The following DLG2 variants were observed in gnomAD, a reference collection of about 807,000 sequenced individuals.
The protein encoded by DLG2 is discs large MAGUK scaffold protein 2, also known as disks large homolog 2.
DLG2 carries 45 observed loss-of-function variants against 132.5 expected under a neutral mutation model. That is an observed-to-expected ratio of 0.34 (90% CI 0.27 to 0.44). DLG2 has a LOEUF of 0.44. Among genes scored for constraint, DLG2 ranks in the 20% least tolerant of loss-of-function variants. DLG2 has a pLI of 1.00. For synonymous variants in DLG2, 424 were observed against 419.6 expected, an observed-to-expected ratio of 1.01 and a Z score of -0.13; for missense variants, 1,045 against 1,196.9, an observed-to-expected ratio of 0.87 and a Z score of 1.87.
At chr11:84,295,451 G>T (rs1443951040) in intron 7 of DLG2, among the ~76,000 whole-genome samples, 1 of 152,098 alleles carries the variant, frequency 6.6e-6, no homozygotes, top group Admixed American at 6.6e-5. Flanking sequence ...CTTATGCATG[G>T]CTATACTAAT....
intron 4 of DLG2, among the ~76,000 whole-genome samples, chr11:85,206,480 G>C (rs1444665721): frequency 6.6e-6 from 1 of 152,082 alleles, no homozygotes; most frequent in Non-Finnish European, 1.5e-5. Flanking sequence ...GCAAAAAATT[G>C]AGTTATTGAT....
At chr11:84,163,309 G>T in intron 9 of DLG2, 152 bp downstream of exon 9, 1 of 610,542 alleles carries the variant, frequency 1.6e-6, no homozygotes, top group Non-Finnish European at 2.7e-6. Flanking sequence ...TTTCTACTGT[G>T]AGCATTTCAT....
intron 6 of DLG2, among the ~76,000 whole-genome samples, chr11:85,024,566 C>T (rs2060355231): frequency 1.3e-5 from 2 of 152,156 alleles, no homozygotes; most frequent in African/African-American, 2.4e-5. Context: ...ATAATTGTCT[C>T]GACTCTTCAT....
chr11:84,643,849 T>C (rs931552739), intron 6 of DLG2, among the ~76,000 whole-genome samples: 10 of 152,184 alleles, frequency 6.6e-5, no homozygotes, highest in African/African-American at 2.4e-4. Flanking sequence ...AAAATAACCA[T>C]AGAAGCAAGC....
At chr11:83,558,424 A>C (rs752399486) in intron 19 of DLG2, among the ~76,000 whole-genome samples, 14 of 152,154 alleles carry the variant, frequency 9.2e-5, no homozygotes, top group Non-Finnish European at 1.9e-4. Flanking sequence ...GCCTTAGTCT[A>C]CCTGTTATCT....
intron 6 of DLG2, among the ~76,000 whole-genome samples, chr11:84,787,185 C>G (rs1158596023): frequency 6.6e-6 from 1 of 152,156 alleles, no homozygotes; most frequent in Non-Finnish European, 1.5e-5. Flanking sequence ...TAGATTGACT[C>G]TTGGCAAGTG....
chr11:84,588,522 C>A (rs1487903261), intron 6 of DLG2, among the ~76,000 whole-genome samples: 2 of 152,124 alleles, frequency 1.3e-5, no homozygotes, highest in African/African-American at 2.4e-5. Flanking sequence ...CACACTCAAC[C>A]TAAGTTTACG....
chr11:85,465,596 G>C (rs946150682), intron 3 of DLG2, among the ~76,000 whole-genome samples: 1 of 152,068 alleles, frequency 6.6e-6, no homozygotes, highest in Non-Finnish European at 1.5e-5. Context: ...GAGAGTGATG[G>C]TTTCCAGCTT....
intron 3 of DLG2, among the ~76,000 whole-genome samples, chr11:85,515,716 T>C (rs976974031): frequency 3.9e-5 from 6 of 152,002 alleles, no homozygotes; most frequent in Non-Finnish European, 1.5e-5. Flanking sequence ...GTTTTTGTGT[T>C]ATGATAACAT....
intron 19 of DLG2, among the ~76,000 whole-genome samples, chr11:83,575,329 G>GAC (rs2096857417): frequency 6.6e-6 from 1 of 152,126 alleles, no homozygotes; most frequent in Non-Finnish European, 1.5e-5. Context: ...ACAGAGTCTC[G>GAC]AGGCCATCAA....
At chr11:84,692,678 C>T (rs1014492061) in intron 6 of DLG2, among the ~76,000 whole-genome samples, 12 of 151,640 alleles carry the variant, frequency 7.9e-5, no homozygotes, top group Non-Finnish European at 1.6e-4. Context: ...TAAGAACCAT[C>T]GAAGTGTAAA....
At position 85,035,461 on chromosome 11, in the gene DLG2, G is replaced by A. The variant is rs576714147; in HGVS notation, c.357+76200C>T. 1.4e-4 allele frequency among the ~76,000 whole-genome samples: 22 copies of A among 152,180 alleles called. No individual in the cohort carries two copies. In the East Asian group the frequency reaches 3.1e-3, roughly 21 times the overall value. ...AGAAGGTGAAGGGAAAGCAAGGCAC[G>A]TCTTACATGGCGGCAGGCGAGAGGT... On this transcript the variant is annotated intron_variant, in intron 6 of 27. Transcript: ENST00000376104.
At chr11:85,051,755 T>C (rs776751936) in intron 6 of DLG2, among the ~76,000 whole-genome samples, 2 of 152,124 alleles carry the variant, frequency 1.3e-5, no homozygotes, top group Non-Finnish European at 2.9e-5. Context: ...GTCTTTAAAA[T>C]AGAGTTAATT....
intron 4 of DLG2, among the ~76,000 whole-genome samples, chr11:85,155,586 T>C (rs1286805750): frequency 6.6e-6 from 1 of 152,076 alleles, no homozygotes; most frequent in Non-Finnish European, 1.5e-5. Context: ...TTCCTCACTT[T>C]AGGCCAGGCA....
intron 12 of DLG2, among the ~76,000 whole-genome samples, chr11:83,969,975 T>C (rs1011919525): frequency 1.1e-4 from 16 of 151,364 alleles, no homozygotes; most frequent in African/African-American, 3.9e-4. Context: ...CTTTTAATAC[T>C]GTGACTATGG....
intron 6 of DLG2, among the ~76,000 whole-genome samples, chr11:84,987,002 C>G (rs2056567572): frequency 6.6e-6 from 1 of 152,108 alleles, no homozygotes; most frequent in Admixed American, 6.5e-5. Context: ...TGATTATTTA[C>G]TTAGAAAACC....
chr11:84,033,885 AAAAAAC>A (rs978811581), intron 11 of DLG2, among the ~76,000 whole-genome samples: 3 of 133,720 alleles, frequency 2.2e-5, no homozygotes, highest in African/African-American at 8.3e-5. Flanking sequence ...CTAAAAATAC[AAAAAAC>A]AAAAACAAAA....
At chr11:84,329,644 C>A (rs1468905792) in intron 7 of DLG2, among the ~76,000 whole-genome samples, 3 of 152,146 alleles carry the variant, frequency 2.0e-5, no homozygotes, top group Non-Finnish European at 4.4e-5. Context: ...TCCTTTATAG[C>A]AATATGAGAA....
chr11:83,710,737 C>A (rs117753157), intron 18 of DLG2, among the ~76,000 whole-genome samples: 1 of 152,164 alleles, frequency 6.6e-6, no homozygotes, highest in Non-Finnish European at 1.5e-5. Flanking sequence ...CTTGTAAATA[C>A]AACAGAAATA....
Sources: gnomAD v4.1 joint callset for allele counts (sites outside exome capture counted in the v4.1 genomes callset) on GRCh38, gnomAD v4.1.1 for gene constraint, MANE v1.5 for transcripts, NCBI Gene and HGNC (gene_info 2026-07-23, HGNC 2026-07-21) for gene names.